The following CPNE4 variants were observed in gnomAD, a reference collection of about 807,000 sequenced individuals.
CPNE4 encodes copine 4, also known as copine-4.
In CPNE4, 25 loss-of-function variants were observed where a neutral mutation model predicts 67.9. That is an observed-to-expected ratio of 0.37 (90% CI 0.27 to 0.51). CPNE4 has a LOEUF of 0.51. Among genes scored for constraint, CPNE4 ranks in the 20% least tolerant of loss-of-function variants. The pLI is 0.93. For missense variants in CPNE4, 464 were observed against 690.8 expected, an observed-to-expected ratio of 0.67 and a Z score of 3.68; for synonymous variants, 242 against 244.9, an observed-to-expected ratio of 0.99 and a Z score of 0.11.
chr3:131,951,376 T>C (rs1204026034), intron 1 of CPNE4, among the ~76,000 whole-genome samples: 2 of 152,202 alleles, frequency 1.3e-5, no homozygotes, highest in Non-Finnish European at 2.9e-5. Flanking sequence ...TTGTTATTTT[T>C]AATAATGTTT....
intron 2 of CPNE4, among the ~76,000 whole-genome samples, chr3:131,761,749 G>C (rs2082896886): frequency 6.6e-6 from 1 of 152,096 alleles, no homozygotes; most frequent in African/African-American, 2.4e-5. Flanking sequence ...CCATTCAACA[G>C]TGATGTCTTG....
At chr3:131,914,571 T>C (rs1054387292) in intron 1 of CPNE4, among the ~76,000 whole-genome samples, 2 of 152,182 alleles carry the variant, frequency 1.3e-5, no homozygotes, top group Non-Finnish European at 2.9e-5. Context: ...TCTGCTCCCA[T>C]TTTGGCAGTA....
chr3:131,910,628 G>A (rs995506707), intron 1 of CPNE4, among the ~76,000 whole-genome samples: 1 of 152,158 alleles, frequency 6.6e-6, no homozygotes, highest in African/African-American at 2.4e-5. Context: ...AGAAAGTCAT[G>A]CTAGGGATGA....
chr3:131,896,543 T>A (rs2088346194), intron 2 of CPNE4, among the ~76,000 whole-genome samples: 2 of 152,000 alleles, frequency 1.3e-5, no homozygotes. Flanking sequence ...GTAAAAAAAA[T>A]AATTGCACAA....
chr3:131,933,269 G>A (rs1253747792), intron 1 of CPNE4, among the ~76,000 whole-genome samples: 1 of 152,138 alleles, frequency 6.6e-6, no homozygotes, highest in East Asian at 1.9e-4. Context: ...CATTACAGCA[G>A]TCAAGTCAGA....
At chr3:131,952,333 C>A (rs930912007) in intron 1 of CPNE4, among the ~76,000 whole-genome samples, 2 of 150,866 alleles carry the variant, frequency 1.3e-5, no homozygotes, top group African/African-American at 2.4e-5. Context: ...CTGGCAACCA[C>A]CCCGTCTGAG....
intron 2 of CPNE4, among the ~76,000 whole-genome samples, chr3:131,776,935 C>A (rs186854057): frequency 5.7e-4 from 87 of 152,192 alleles, no homozygotes; most frequent in African/African-American, 1.9e-3. Flanking sequence ...TATGACAGGG[C>A]AATTCATTAC....
At chr3:131,865,602 G>T (rs752377150) in intron 2 of CPNE4, among the ~76,000 whole-genome samples, 1 of 151,966 alleles carries the variant, frequency 6.6e-6, no homozygotes, top group Admixed American at 6.6e-5. Flanking sequence ...CTCCACTAAA[G>T]CTACTTCTGA....
At chr3:131,891,021 G>A (rs2088091959) in intron 2 of CPNE4, among the ~76,000 whole-genome samples, 1 of 152,046 alleles carries the variant, frequency 6.6e-6, no homozygotes, top group African/African-American at 2.4e-5. Flanking sequence ...ACCACATAGT[G>A]CCTATAGTTA....
chr3:131,790,217 C>T (rs562379538), intron 2 of CPNE4, among the ~76,000 whole-genome samples: 1 of 152,270 alleles, frequency 6.6e-6, no homozygotes, highest in East Asian at 1.9e-4. Context: ...TTATATACTT[C>T]TCCCTGGGTT....
intron 2 of CPNE4, among the ~76,000 whole-genome samples, chr3:131,775,105 T>G (rs1366343504): frequency 1.3e-5 from 2 of 152,130 alleles, no homozygotes; most frequent in Non-Finnish European, 2.9e-5. Context: ...AATAACCCAA[T>G]CAGCTTCTTT....
intron 2 of CPNE4, among the ~76,000 whole-genome samples, chr3:131,801,354 C>A (rs1335530154): frequency 3.3e-5 from 2 of 61,082 alleles, no homozygotes; most frequent in Non-Finnish European, 6.6e-5. Context: ...TATATATGTA[C>A]CATATATATA....
At chr3:131,672,917 C>A in intron 6 of CPNE4, among the ~76,000 whole-genome samples, 1 of 151,996 alleles carries the variant, frequency 6.6e-6, no homozygotes, top group East Asian at 1.9e-4. Context: ...TTTACCCAGT[C>A]CAATGACTTA....
intron 2 of CPNE4, among the ~76,000 whole-genome samples, chr3:131,808,770 T>C (rs542037310): frequency 5.9e-4 from 90 of 152,312 alleles, no homozygotes; most frequent in African/African-American, 2.1e-3. Flanking sequence ...AAAAGAAATG[T>C]GGCAATTTGC....
At chr3:131,563,128 C>T (rs1300491653) in intron 11 of CPNE4, among the ~76,000 whole-genome samples, 1 of 152,006 alleles carries the variant, frequency 6.6e-6, no homozygotes, top group African/African-American at 2.4e-5. Flanking sequence ...TGTCAGTTCC[C>T]ATGGTGTGGA....
intron 2 of CPNE4, among the ~76,000 whole-genome samples, chr3:131,833,524 C>T (rs963755862): frequency 2.0e-5 from 3 of 151,934 alleles, no homozygotes; most frequent in African/African-American, 2.4e-5. Flanking sequence ...TGAAACTCCA[C>T]CTCTACTAAA....
intron 2 of CPNE4, among the ~76,000 whole-genome samples, chr3:131,760,003 C>T (rs1244515270): frequency 6.6e-6 from 1 of 152,164 alleles, no homozygotes; most frequent in Non-Finnish European, 1.5e-5. Context: ...AATAGTACTT[C>T]CTCCACTATA....
chr3:131,604,373 C>G (rs1050392906), intron 7 of CPNE4, among the ~76,000 whole-genome samples: 2 of 152,082 alleles, frequency 1.3e-5, no homozygotes, highest in African/African-American at 4.8e-5. Context: ...TTTTGATTGA[C>G]TGATTAGGGG....
At chr3:131,700,840 A>C (rs1414671252) in intron 3 of CPNE4, among the ~76,000 whole-genome samples, 1 of 152,024 alleles carries the variant, frequency 6.6e-6, no homozygotes, top group African/African-American at 2.4e-5. Context: ...ACTTGGAACC[A>C]ACCCAAATGT....
Sources: allele counts gnomAD v4.1 joint callset (sites outside exome capture counted in the v4.1 genomes callset), GRCh38; gene constraint gnomAD v4.1.1; transcripts MANE v1.5; gene names NCBI Gene and HGNC (gene_info 2026-07-23, HGNC 2026-07-21).